The following TFPI variants were observed in gnomAD, a reference collection of about 807,000 sequenced individuals.
The protein encoded by TFPI is anti-convertin.
In TFPI, 15 loss-of-function variants were observed where a neutral mutation model predicts 34.6. The ratio of observed to expected loss-of-function variants is 0.43; its 90% CI spans 0.29 to 0.67. The LOEUF (loss-of-function observed/expected upper bound fraction) is 0.67, where lower values mean the gene tolerates loss of function less well. Ranked by LOEUF, TFPI falls within the 30% of genes least tolerant of loss-of-function variation. The pLI is 0.15. For synonymous variants in TFPI, 105 were observed against 120.1 expected (o/e 0.87, Z 0.82); for missense variants, 301 against 364.0 (o/e 0.83, Z 1.41).
Position 187,554,373 on chromosome 2 carries a change from T to C in TFPI, c.-176A>G, listed in dbSNP as rs1303626484. The C allele has an allele frequency of 6.6e-6, 1 of 152,206 alleles. No homozygotes were observed. Among genetic ancestry groups the C allele is most frequent in the East Asian group, 1.9e-4 (1 of 5,198 alleles). The allele number at this position is 152,206 out of a possible 1,614,324, so 9.4% of individuals were successfully genotyped here. A position where few individuals can be genotyped will look rare whatever the true frequency, so the allele number is the denominator to read the frequency against. ...AACTGAAAGAAACGCAATCTGATCT[T>C]ACTAGCAGTGAAAGAGCGAGGTAAG... On this transcript the variant is annotated 5_prime_UTR_variant, in exon 1 of 8. Transcript: ENST00000233156.
intron 4 of TFPI, among the ~76,000 whole-genome samples, chr2:187,485,433 A>G (rs1382879476): frequency 5.9e-5 from 9 of 151,886 alleles, no homozygotes; most frequent in Non-Finnish European, 1.0e-4. Context: ...AATGGTTTAA[A>G]TTTTTAAAAG....
At chr2:187,538,972 TTTGA>T (rs1161022868) in intron 1 of TFPI, among the ~76,000 whole-genome samples, 7 of 152,170 alleles carry the variant, frequency 4.6e-5, no homozygotes, top group Non-Finnish European at 8.8e-5. Context: ...TATTTAAACA[TTTGA>T]ATAATATTAA....
intron 1 of TFPI, among the ~76,000 whole-genome samples, chr2:187,552,108 A>G (rs999146413): frequency 8.6e-5 from 13 of 151,180 alleles, no homozygotes; most frequent in African/African-American, 3.2e-4. Flanking sequence ...CACTTTTCAT[A>G]TTGTCTGTTC....
intron 1 of TFPI, among the ~76,000 whole-genome samples, chr2:187,541,067 T>C (rs1416393239): frequency 6.6e-6 from 1 of 152,140 alleles, no homozygotes; most frequent in Non-Finnish European, 1.5e-5. Flanking sequence ...CATTTTCATA[T>C]ATCTTCTCCA....
chr2:187,483,945 T>G, intron 6 of TFPI, 179 bp downstream of exon 6: 1 of 559,316 alleles, frequency 1.8e-6, no homozygotes. Flanking sequence ...AGGAAAATTG[T>G]TGCTTTTATG....
At chr2:187,498,693 A>C (rs561809824) in intron 2 of TFPI, among the ~76,000 whole-genome samples, 1 of 152,070 alleles carries the variant, frequency 6.6e-6, no homozygotes, top group Admixed American at 6.6e-5. Flanking sequence ...CTATTTGATA[A>C]GTTAATTGAT....
chr2:187,475,243 A>G (rs948612688), intron 6 of TFPI, among the ~76,000 whole-genome samples: 1 of 152,222 alleles, frequency 6.6e-6, no homozygotes, highest in African/African-American at 2.4e-5. Context: ...GTCATAAGAT[A>G]AAGTTGAAAA....
chr2:187,474,371 A>C (rs1488580888), intron 6 of TFPI, among the ~76,000 whole-genome samples: 1 of 152,134 alleles, frequency 6.6e-6, no homozygotes, highest in Non-Finnish European at 1.5e-5. Context: ...CGCAAACTCC[A>C]GGCTATCTGG....
At chr2:187,474,902 G>A (rs989324294) in intron 6 of TFPI, among the ~76,000 whole-genome samples, 1 of 152,100 alleles carries the variant, frequency 6.6e-6, no homozygotes, top group Non-Finnish European at 1.5e-5. Context: ...CAGCATCCAG[G>A]CAAACGAGTT....
intron 7 of TFPI, 78 bp downstream of exon 7, chr2:187,467,675 A>C (rs1419151168): frequency 1.0e-5 from 13 of 1,254,138 alleles, no homozygotes; most frequent in Non-Finnish European, 1.3e-5. Flanking sequence ...AATTAATTTC[A>C]TATCTTAATA....
chr2:187,537,068 G>T lies in TFPI; in HGVS notation c.-3+17132C>A, dbSNP rs188736597. Among the ~76,000 whole-genome samples, 1,270 of 152,252 alleles carry T rather than the reference G, an allele frequency of 8.3e-3. 13 individuals carry two copies. The highest frequency in any genetic ancestry group is 0.024 in the Middle Eastern group (7 of 294). On this transcript the variant is annotated intron_variant, in intron 1 of 7. Transcript: ENST00000233156. ...TCTTCAAGGAGATCTACAAACCACTGCTCAAGGAAATAAGAGAGGACACAA... is the reference window on the plus strand; with the variant it reads ...TCTTCAAGGAGATCTACAAACCACTTCTCAAGGAAATAAGAGAGGACACAA...
intron 6 of TFPI, chr2:187,478,644 T>A (rs780792657): frequency 3.7e-6 from 6 of 1,607,552 alleles, no homozygotes; most frequent in Non-Finnish European, 5.1e-6. Context: ...CGTATACATA[T>A]AAATATTAAG....
At chr2:187,513,429 T>C (rs976332793) in intron 1 of TFPI, among the ~76,000 whole-genome samples, 3 of 152,246 alleles carry the variant, frequency 2.0e-5, no homozygotes, top group Non-Finnish European at 4.4e-5. Context: ...AGGTGAAATT[T>C]ACTTATCTGG....
chr2:187,516,392 T>C (rs1051123967), intron 1 of TFPI: 5 of 152,212 alleles, frequency 3.3e-5, no homozygotes, highest in African/African-American at 7.2e-5. Context: ...AAAACTCTTA[T>C]AATAAAAATT....
chr2:187,511,184 C>G (rs1374170816), intron 1 of TFPI, among the ~76,000 whole-genome samples: 1 of 152,210 alleles, frequency 6.6e-6, no homozygotes, highest in Non-Finnish European at 1.5e-5. Context: ...CGGGAAAGAA[C>G]TGGCACTTGC....
chr2:187,539,118 T>C (rs1030668981), intron 1 of TFPI, among the ~76,000 whole-genome samples: 1 of 152,014 alleles, frequency 6.6e-6, no homozygotes, highest in Non-Finnish European at 1.5e-5. Context: ...ATGTGTATGT[T>C]CTTTCAAACT....
In TFPI at chr2:187,488,363, C is replaced by G. The variant is rs777477084; in HGVS notation, c.332G>C (p.Arg111Thr). The change falls in exon 4 of 8, where the codon AGG becomes ACG. Residue 111 changes from arginine (R) to threonine (T), a missense_variant. Coordinates refer to ENST00000233156, the MANE Select transcript of TFPI (RefSeq NM_006287.6). ...TTGTTGCAATGTTGTCTTTATAATCCTGTTTGCATTATCTGTAATCAAAAG... is the reference window on the plus strand; with the variant it reads ...TTGTTGCAATGTTGTCTTTATAATCGTGTTTGCATTATCTGTAATCAAAAG... ...KKMCTRDNAN[R>T]IIKTTLQQEK... 4 of 1,561,920 alleles carry G rather than the reference C, an allele frequency of 2.6e-6. No homozygotes were observed. The Admixed American group carries it at 6.1e-5, about 24-fold the overall frequency.
chr2:187,531,572 T>G (rs1423075020), intron 1 of TFPI, among the ~76,000 whole-genome samples: 3 of 152,158 alleles, frequency 2.0e-5, no homozygotes, highest in African/African-American at 7.2e-5. Flanking sequence ...AGCATATTCC[T>G]CTTTTGATAT....
intron 1 of TFPI, among the ~76,000 whole-genome samples, chr2:187,534,656 A>G (rs1386680823): frequency 2.0e-5 from 3 of 152,196 alleles, no homozygotes; most frequent in African/African-American, 4.8e-5. Context: ...AAGCAACTGC[A>G]TCAACTAACA....
Sources: gnomAD v4.1 joint callset for allele counts (sites outside exome capture counted in the v4.1 genomes callset) on GRCh38, gnomAD v4.1.1 for gene constraint, MANE v1.5 for transcripts, NCBI Gene and HGNC (gene_info 2026-07-23, HGNC 2026-07-21) for gene names.